The following CFAP251 variants were observed in gnomAD, a reference collection of about 807,000 sequenced individuals.
CFAP251 encodes cilia and flagella associated protein 251, also known as cilia- and flagella-associated protein 251.
CFAP251 carries 93 observed loss-of-function variants against 126.7 expected under a neutral mutation model. That is an observed-to-expected ratio of 0.73 (90% CI 0.62 to 0.87). CFAP251 has a LOEUF of 0.87. Among genes scored for constraint, CFAP251 ranks in the 40% least tolerant of loss-of-function variants. The pLI, the probability that CFAP251 is intolerant of heterozygous loss-of-function variation, is 0.00. For missense variants in CFAP251, 1,287 were observed against 1,389.2 expected (o/e 0.93, Z 1.17); for synonymous variants, 503 against 506.9 (o/e 0.99, Z 0.10).
chr12:121,953,984 C>T (rs779284996), intron 9 of CFAP251, 136 bp from the exon 10 acceptor site: 17 of 859,726 alleles, frequency 2.0e-5, no homozygotes, highest in South Asian at 7.3e-5. Flanking sequence ...TCATGGGAGA[C>T]GGTTTTAGTG....
intron 3 of CFAP251, among the ~76,000 whole-genome samples, chr12:121,924,889 G>C (rs1329842510): frequency 6.6e-6 from 1 of 152,018 alleles, no homozygotes; most frequent in African/African-American, 2.4e-5. Context: ...TCACGTGGGA[G>C]ATCCAAACTC....
At position 121,921,456 on chromosome 12, in the gene CFAP251, CAGG is replaced by C. The variant is rs1341331897; in HGVS notation, c.160_162del (p.Glu54del). ...TGACACAATAGCATGGAGAGAGTCT[CAGG>C]AGGAGGAGAGGAAAACGGGCGAGGA... On this transcript the variant is annotated inframe_deletion, in exon 2 of 22. Coordinates refer to ENST00000288912, the MANE Select transcript of CFAP251 (RefSeq NM_144668.6). The C allele has an allele frequency of 1.9e-6, 3 of 1,611,340 alleles. No individual in the cohort carries two copies. The highest frequency in any genetic ancestry group is 1.1e-5 in the South Asian group (1 of 90,974).
chr12:121,993,355 A>G (rs1453202306), intron 19 of CFAP251, among the ~76,000 whole-genome samples: 2 of 117,150 alleles, frequency 1.7e-5, no homozygotes, highest in Admixed American at 8.5e-5. Context: ...GGCCTCCCAA[A>G]GTGCCGAGAT....
intron 3 of CFAP251, among the ~76,000 whole-genome samples, chr12:121,926,857 C>A (rs1300957490): frequency 6.6e-6 from 1 of 152,236 alleles, no homozygotes; most frequent in Middle Eastern, 3.4e-3. Flanking sequence ...CCAGGAGAAT[C>A]GCTTGAACCC....
At chr12:121,963,029 C>T (rs897234858) in intron 15 of CFAP251, among the ~76,000 whole-genome samples, 7 of 151,998 alleles carry the variant, frequency 4.6e-5, no homozygotes, top group Admixed American at 1.3e-4. Context: ...CCGGGTAAGG[C>T]GAGAGCTAGT....
intron 7 of CFAP251, among the ~76,000 whole-genome samples, chr12:121,946,722 C>CA (rs1444349204): frequency 6.6e-6 from 1 of 151,994 alleles, no homozygotes; most frequent in Non-Finnish European, 1.5e-5. Context: ...CTCAGCCTCC[C>CA]AGGTGGCACC....
chr12:121,948,953 C>T (rs1011869674), intron 7 of CFAP251, 31 bp from the exon 8 acceptor site: 4 of 1,299,330 alleles, frequency 3.1e-6, no homozygotes, highest in Non-Finnish European at 3.2e-6. Flanking sequence ...GAAAATTTAT[C>T]ATTAATGTAT....
rs552781136 is a variant in CFAP251, at chr12:121,991,410, G to A, written c.3007-8306G>A. Among the ~76,000 whole-genome samples the A allele has an allele frequency of 2.6e-3, 390 of 152,298 alleles. 3 individuals carry two copies. The highest frequency in any genetic ancestry group is 4.9e-3 in the Non-Finnish European group (334 of 68,036). ...TCATTTTGGCACCAGTATCACCTCCGTGAACCCCTGTGGTCTAAGAGCAGC... is the reference window on the plus strand; with the variant it reads ...TCATTTTGGCACCAGTATCACCTCCATGAACCCCTGTGGTCTAAGAGCAGC... On this transcript the variant is annotated intron_variant, in intron 19 of 21. Transcript: ENST00000288912.
chr12:121,967,952 T>C, intron 16 of CFAP251, 54 bp from the exon 17 acceptor site: 2 of 1,524,102 alleles, frequency 1.3e-6, no homozygotes, highest in Non-Finnish European at 1.8e-6. Flanking sequence ...GTGCCAGGCC[T>C]CTCTCGGGCC....
At chr12:121,967,518 C>T (rs948767947) in intron 16 of CFAP251, among the ~76,000 whole-genome samples, 20 of 152,160 alleles carry the variant, frequency 1.3e-4, no homozygotes, top group Admixed American at 9.2e-4. Context: ...CTGGCTAACA[C>T]GGTGAAACCC....
At chr12:121,951,562 G>A in intron 9 of CFAP251, 32 bp downstream of exon 9, 1 of 1,521,046 alleles carries the variant, frequency 6.6e-7, no homozygotes, top group Non-Finnish European at 9.1e-7. Flanking sequence ...TTGTCCATCA[G>A]ATTTTGTGGA....
chr12:121,942,818 G>T lies in CFAP251; in HGVS notation c.1111-77G>T, dbSNP rs569752619. ...GTCCTTAGTTACTTGAAGTTTTGGG[G>T]TCACCACAAGAGGTGTAAGTTACTT... On this transcript the variant is annotated intron_variant, in intron 6 of 21. Transcript: ENST00000288912. 33 of 1,521,698 alleles carry T rather than the reference G, an allele frequency of 2.2e-5. No homozygotes were observed. In the East Asian group the frequency reaches 2.5e-4, roughly 11 times the overall value. 94.3% of individuals were successfully genotyped at this position (1,521,698 alleles called of 1,614,324 possible).
chr12:121,971,550 C>G, intron 17 of CFAP251: 5 of 702,812 alleles, frequency 7.1e-6, no homozygotes, highest in South Asian at 5.9e-5. Context: ...CTGATTTCAT[C>G]CTGACAGCCA....
chr12:121,949,947 G>A (rs1019718784), intron 8 of CFAP251: 4 of 152,166 alleles, frequency 2.6e-5, no homozygotes, highest in African/African-American at 9.7e-5. Context: ...ACATGGAATA[G>A]CTATGTGACT....
At position 121,998,442 on chromosome 12, in the gene CFAP251, TA is replaced by T. The variant is rs1177789555; in HGVS notation, c.3007-1273del. The stretch of plus-strand genomic sequence containing the variant: ...AATAGTTTTTAGTGTAATATATATA[TA>T]TATATATATATATATATATATATAT... On this transcript the variant is annotated intron_variant, in intron 19 of 21. Coordinates refer to ENST00000288912, the MANE Select transcript of CFAP251 (RefSeq NM_144668.6). 3.3e-4 allele frequency: 3 copies of T among 9,226 alleles called. No homozygotes were observed. In the East Asian group the frequency reaches 0.018, roughly 54 times the overall value. The allele number at this position is 9,226 out of a possible 1,614,324, so 0.6% of individuals were successfully genotyped here.
At chr12:121,938,985 TA>T (rs11337763) in intron 5 of CFAP251, among the ~76,000 whole-genome samples, 37,775 of 146,862 alleles carry the variant, frequency 0.26, 5,830 homozygotes, top group East Asian at 0.51. Context: ...AGAATTCATC[TA>T]AAAAAAAAAA....
chr12:121,953,977 T>A (rs1198898518), intron 9 of CFAP251, 143 bp from the exon 10 acceptor site: 9 of 814,046 alleles, frequency 1.1e-5, no homozygotes, highest in Non-Finnish European at 1.7e-5. Flanking sequence ...TGGCAATTCA[T>A]GGGAGACGGT....
At chr12:122,000,674 A>G (rs374442219) in intron 20 of CFAP251, among the ~76,000 whole-genome samples, 1 of 152,182 alleles carries the variant, frequency 6.6e-6, no homozygotes, top group South Asian at 2.1e-4. Flanking sequence ...ATTATTGTAC[A>G]TGAGGATGTC....
At chr12:121,972,481 G>A (rs1348138224) in intron 17 of CFAP251, among the ~76,000 whole-genome samples, 3 of 151,652 alleles carry the variant, frequency 2.0e-5, no homozygotes, top group Admixed American at 1.3e-4. Context: ...AAGATATCTG[G>A]TAGAGTAATT....
Sources: gnomAD v4.1 joint callset for allele counts (sites outside exome capture counted in the v4.1 genomes callset) on GRCh38, gnomAD v4.1.1 for gene constraint, MANE v1.5 for transcripts, NCBI Gene and HGNC (gene_info 2026-07-23, HGNC 2026-07-21) for gene names.